Variants in DPP10 observed in about 807,000 individuals in gnomAD.
The protein encoded by DPP10 is dipeptidyl peptidase like 10.
DPP10 carries 33 observed loss-of-function variants against 120.9 expected under a neutral mutation model. The observed-to-expected ratio is 0.27, with a 90% CI of 0.21 to 0.37. DPP10 has a LOEUF of 0.37. Among genes scored for constraint, DPP10 ranks in the 10% least tolerant of loss-of-function variants. The pLI, the probability that DPP10 is intolerant of heterozygous loss-of-function variation, is 1.00. For missense variants in DPP10, 816 were observed against 942.8 expected, an observed-to-expected ratio of 0.87 and a Z score of 1.76; for synonymous variants, 337 against 326.1, an observed-to-expected ratio of 1.03 and a Z score of -0.36.
At chr2:115,824,788 A>C (rs2150073131) in intron 21 of DPP10, among the ~76,000 whole-genome samples, 1 of 152,284 alleles carries the variant, frequency 6.6e-6, no homozygotes, top group East Asian at 1.9e-4. Flanking sequence ...TAACTATGTA[A>C]AGTGATTAAG....
intron 5 of DPP10, among the ~76,000 whole-genome samples, chr2:115,624,131 A>G (rs2085183784): frequency 6.6e-6 from 1 of 152,292 alleles, no homozygotes; most frequent in East Asian, 1.9e-4. Flanking sequence ...AAGCACTTTA[A>G]AATCTTGGAG....
chr2:114,453,332 A>G (rs970443789), intron 1 of DPP10, among the ~76,000 whole-genome samples: 1 of 152,148 alleles, frequency 6.6e-6, no homozygotes, highest in South Asian at 2.1e-4. Context: ...GGGCAGGTAG[A>G]AAGAAGTCTC....
intron 1 of DPP10, among the ~76,000 whole-genome samples, chr2:114,487,970 C>G (rs2104712850): frequency 6.6e-6 from 1 of 152,296 alleles, no homozygotes; most frequent in East Asian, 1.9e-4. Context: ...AAAAGTAAAT[C>G]ACAGAGCAGT....
At chr2:114,700,814 C>G (rs777851048) in intron 1 of DPP10, among the ~76,000 whole-genome samples, 1 of 152,032 alleles carries the variant, frequency 6.6e-6, no homozygotes, top group Non-Finnish European at 1.5e-5. Context: ...AACATTGGTA[C>G]TTTTTGTTTG....
At chr2:114,450,466 T>C (rs1678200055) in intron 1 of DPP10, among the ~76,000 whole-genome samples, 1 of 152,092 alleles carries the variant, frequency 6.6e-6, no homozygotes, top group African/African-American at 2.4e-5. Flanking sequence ...CCTATCCTAA[T>C]ATCTGCCACA....
Position 115,836,142 on chromosome 2 carries a change from A to G in DPP10, c.1951-15A>G, listed in dbSNP as rs376004576. 2 of 1,255,346 alleles carry G rather than the reference A, an allele frequency of 1.6e-6. No homozygotes were observed. The highest frequency in any genetic ancestry group is 1.7e-5 in the African/African-American group (1 of 58,812). The allele number at this position is 1,255,346 out of a possible 1,614,324, so 77.8% of individuals were successfully genotyped here. A position where few individuals can be genotyped will look rare whatever the true frequency, so the allele number is the denominator to read the frequency against. ...GAGATATATATATATATATATATATATTTTTCCCCCCCAGGGTTATGGTGG... is the reference window on the plus strand; with the variant it reads ...GAGATATATATATATATATATATATGTTTTTCCCCCCCAGGGTTATGGTGG... On this transcript the variant is annotated splice_polypyrimidine_tract_variant and intron_variant, in intron 21 of 25. Transcript: ENST00000410059.
In DPP10 at chr2:115,599,478, T is replaced by A. The variant is rs185620227; in HGVS notation, c.441+73506T>A. ...TCTTATTAAGCTTACTCAGTGATTTTATTTCAGATGTTTATTTATTTCAGT... is the reference window on the plus strand; with the variant it reads ...TCTTATTAAGCTTACTCAGTGATTTAATTTCAGATGTTTATTTATTTCAGT... On this transcript the variant is annotated intron_variant, in intron 5 of 25. Transcript: ENST00000410059. Among the ~76,000 whole-genome samples the A allele has an allele frequency of 1.8e-4, 28 of 152,298 alleles. No individual in the cohort carries two copies. The East Asian group carries it at 5.4e-3, about 29-fold the overall frequency.
At chr2:115,105,093 C>T (rs2048882543) in intron 1 of DPP10, among the ~76,000 whole-genome samples, 1 of 152,082 alleles carries the variant, frequency 6.6e-6, no homozygotes, top group African/African-American at 2.4e-5. Context: ...ACCTAGTTTG[C>T]CAAAGATGAC....
At chr2:114,451,181 A>T (rs1410095733) in intron 1 of DPP10, among the ~76,000 whole-genome samples, 3 of 151,962 alleles carry the variant, frequency 2.0e-5, no homozygotes, top group South Asian at 2.1e-4. Context: ...GCTATGGCAA[A>T]TTTTTTCCTT....
chr2:115,743,020 T>A (rs1323330171), intron 9 of DPP10, among the ~76,000 whole-genome samples: 1 of 151,674 alleles, frequency 6.6e-6, no homozygotes, highest in Admixed American at 6.6e-5. Context: ...AAACATTATC[T>A]TGTTTAATGA....
intron 21 of DPP10, among the ~76,000 whole-genome samples, chr2:115,833,321 C>T (rs1689118632): frequency 6.6e-6 from 1 of 152,002 alleles, no homozygotes; most frequent in South Asian, 2.1e-4. Flanking sequence ...GTTAATAGAA[C>T]CAGAAAAGTT....
At chr2:115,286,322 A>G (rs990275169) in intron 1 of DPP10, among the ~76,000 whole-genome samples, 1 of 150,814 alleles carries the variant, frequency 6.6e-6, no homozygotes, top group African/African-American at 2.4e-5. Flanking sequence ...GGAAAAACTG[A>G]TGTTATTTGT....
intron 1 of DPP10, among the ~76,000 whole-genome samples, chr2:115,154,502 C>G (rs1165360974): frequency 1.3e-5 from 2 of 152,166 alleles, no homozygotes; most frequent in Non-Finnish European, 2.9e-5. Context: ...AATATCAAGA[C>G]TATGTAATTC....
At chr2:114,450,726 G>T (rs1366721541) in intron 1 of DPP10, among the ~76,000 whole-genome samples, 1 of 140,836 alleles carries the variant, frequency 7.1e-6, no homozygotes, top group Non-Finnish European at 1.5e-5. Context: ...GCTTCTGTAA[G>T]TAAAAAAAAA....
intron 5 of DPP10, among the ~76,000 whole-genome samples, chr2:115,538,355 C>T (rs2078988372): frequency 6.6e-6 from 1 of 151,804 alleles, no homozygotes; most frequent in Admixed American, 6.6e-5. Flanking sequence ...CTCCATGGAT[C>T]GATCAGAAAC....
intron 1 of DPP10, among the ~76,000 whole-genome samples, chr2:114,663,762 C>A (rs1470910429): frequency 6.6e-6 from 1 of 151,044 alleles, no homozygotes; most frequent in East Asian, 2.0e-4. Context: ...CTGCCACTTG[C>A]TAGCTGTGTG....
intron 1 of DPP10, among the ~76,000 whole-genome samples, chr2:115,282,606 C>T (rs1450182167): frequency 1.3e-5 from 2 of 152,012 alleles, no homozygotes; most frequent in African/African-American, 2.4e-5. Context: ...CAGTTTTGCT[C>T]CTCAGAGGAT....
chr2:114,663,653 A>ATATATATG (rs1558980714), intron 1 of DPP10, among the ~76,000 whole-genome samples: 1 of 108,288 alleles, frequency 9.2e-6, no homozygotes, highest in African/African-American at 3.9e-5. Context: ...ATATATATAT[A>ATATATATG]TATATATATA....
chr2:114,513,090 A>G (rs1482133752), intron 1 of DPP10, among the ~76,000 whole-genome samples: 1 of 152,174 alleles, frequency 6.6e-6, no homozygotes, highest in Admixed American at 6.5e-5. Flanking sequence ...TCCATAATTT[A>G]CAAGGCTCTT....
Sources: gnomAD v4.1 joint callset for allele counts (sites outside exome capture counted in the v4.1 genomes callset) on GRCh38, gnomAD v4.1.1 for gene constraint, MANE v1.5 for transcripts, NCBI Gene and HGNC (gene_info 2026-07-23, HGNC 2026-07-21) for gene names.